GRID1: variants seen among roughly 807,000 people sequenced by gnomAD.
GRID1 encodes the protein glutamate ionotropic receptor delta type subunit 1, also known as glutamate receptor ionotropic, delta-1.
GRID1 carries 28 observed loss-of-function variants against 98.0 expected under a neutral mutation model. That is an observed-to-expected ratio of 0.29 (90% CI 0.21 to 0.39). The LOEUF (loss-of-function observed/expected upper bound fraction) is 0.39, where lower values mean the gene tolerates loss of function less well. Among genes scored for constraint, GRID1 ranks in the 10% least tolerant of loss-of-function variants. The probability of loss-of-function intolerance (pLI) is 1.00; values close to 1 mark genes in which losing one functional copy is unlikely to be tolerated. For synonymous variants in GRID1, 553 were observed against 538.5 expected, an observed-to-expected ratio of 1.03 and a Z score of -0.37; for missense variants, 1,111 against 1,340.5, an observed-to-expected ratio of 0.83 and a Z score of 2.67.
At chr10:85,911,625 A>G (rs1053291845) in intron 5 of GRID1, among the ~76,000 whole-genome samples, 2 of 152,188 alleles carry the variant, frequency 1.3e-5, no homozygotes, top group African/African-American at 2.4e-5. Context: ...ACCATTTCCA[A>G]CAAAGTATGT....
At chr10:86,200,410 G>A (rs1249952725) in intron 3 of GRID1, among the ~76,000 whole-genome samples, 1 of 152,190 alleles carries the variant, frequency 6.6e-6, no homozygotes, top group Admixed American at 6.5e-5. Flanking sequence ...GCAGTGTCAG[G>A]GTGGAAGGAA....
intron 5 of GRID1, among the ~76,000 whole-genome samples, chr10:85,878,441 C>T (rs1840937480): frequency 6.6e-6 from 1 of 152,140 alleles, no homozygotes; most frequent in African/African-American, 2.4e-5. Context: ...ACTCTACAAG[C>T]CAGAAGAGAG....
chr10:86,211,491 T>C (rs1395435741), intron 2 of GRID1, among the ~76,000 whole-genome samples: 1 of 151,814 alleles, frequency 6.6e-6, no homozygotes, highest in Non-Finnish European at 1.5e-5. Flanking sequence ...GCATTGGGGG[T>C]GTGGGGGGTG....
At chr10:86,040,879 G>C (rs1357199696) in intron 4 of GRID1, among the ~76,000 whole-genome samples, 1 of 152,114 alleles carries the variant, frequency 6.6e-6, no homozygotes, top group Non-Finnish European at 1.5e-5. Flanking sequence ...CAATTATTAT[G>C]TGTCAATTTT....
rs149564746 is a variant in GRID1 at position 86,324,668 on chromosome 10, C to T, written c.235+39273G>A. On this transcript the variant is annotated intron_variant, in intron 2 of 15. Coordinates refer to ENST00000327946, the MANE Select transcript of GRID1 (RefSeq NM_017551.3). ...AAGGCAGGAAAGGGCAAAAGTAGCACAAGAAAGCATAGCAAACAAGAAACA... is the reference window on the plus strand; with the variant it reads ...AAGGCAGGAAAGGGCAAAAGTAGCATAAGAAAGCATAGCAAACAAGAAACA... Among the ~76,000 whole-genome samples, 11 of 152,094 alleles carry T rather than the reference C, an allele frequency of 7.2e-5. No individual in the cohort carries two copies. In the East Asian group the frequency reaches 1.7e-3, roughly 24 times the overall value.
chr10:86,258,998 A>G (rs1262651530), intron 2 of GRID1, among the ~76,000 whole-genome samples: 1 of 152,268 alleles, frequency 6.6e-6, no homozygotes, highest in African/African-American at 2.4e-5. Context: ...ATGCACAGAA[A>G]TTAATGCTAA....
At chr10:85,957,514 C>A (rs1842210401) in intron 4 of GRID1, among the ~76,000 whole-genome samples, 1 of 151,984 alleles carries the variant, frequency 6.6e-6, no homozygotes, top group South Asian at 2.1e-4. Context: ...ATGGGATAAT[C>A]CCCCCAGACT....
chr10:85,676,689 G>A (rs1477905195), intron 12 of GRID1, among the ~76,000 whole-genome samples: 2 of 152,218 alleles, frequency 1.3e-5, no homozygotes, highest in Non-Finnish European at 1.5e-5. Context: ...AGAAAGCAAT[G>A]AGGCACAGCA....
At chr10:85,617,209 T>G (rs78982058) in intron 14 of GRID1, among the ~76,000 whole-genome samples, 45 of 151,322 alleles carry the variant, frequency 3.0e-4, no homozygotes, top group Non-Finnish European at 6.3e-4. Context: ...CAGTTCTGCA[T>G]GCACCATACA....
chr10:85,979,698 G>C (rs1185668442), intron 4 of GRID1, among the ~76,000 whole-genome samples: 1 of 152,206 alleles, frequency 6.6e-6, no homozygotes, highest in African/African-American at 2.4e-5. Context: ...CTGTGGTACT[G>C]GGGTTAGGAT....
intron 4 of GRID1, among the ~76,000 whole-genome samples, chr10:86,049,801 G>A (rs1397260992): frequency 6.6e-6 from 1 of 152,320 alleles, no homozygotes; most frequent in East Asian, 1.9e-4. Flanking sequence ...GGCTCTGCCT[G>A]CAACTCACCT....
At chr10:86,251,510 C>A (rs1846831871) in intron 2 of GRID1, among the ~76,000 whole-genome samples, 1 of 152,176 alleles carries the variant, frequency 6.6e-6, no homozygotes, top group Non-Finnish European at 1.5e-5. Context: ...CCTTGCAGGG[C>A]TACTACCTCA....
intron 4 of GRID1, among the ~76,000 whole-genome samples, chr10:86,010,220 T>G (rs1842908668): frequency 6.6e-6 from 1 of 152,214 alleles, no homozygotes; most frequent in African/African-American, 2.4e-5. Context: ...TGAGCAAACA[T>G]TACAATGGCT....
intron 4 of GRID1, among the ~76,000 whole-genome samples, chr10:86,069,334 G>A (rs550636677): frequency 2.5e-3 from 388 of 152,294 alleles, no homozygotes; most frequent in Non-Finnish European, 4.2e-3. Flanking sequence ...AGAGAGCCTC[G>A]CCCTGAGAGG....
At chr10:86,224,588 C>A (rs1241367954) in intron 2 of GRID1, among the ~76,000 whole-genome samples, 1 of 152,182 alleles carries the variant, frequency 6.6e-6, no homozygotes, top group African/African-American at 2.4e-5. Context: ...GACCCCAGCC[C>A]AGATGGCAGC....
chr10:85,970,924 TA>T (rs1410393471), intron 4 of GRID1, among the ~76,000 whole-genome samples: 1 of 152,056 alleles, frequency 6.6e-6, no homozygotes, highest in African/African-American at 2.4e-5. Flanking sequence ...ACAGCTCATT[TA>T]TTTTTTTTAA....
chr10:85,957,376 A>G (rs898035986), intron 4 of GRID1, among the ~76,000 whole-genome samples: 9 of 152,146 alleles, frequency 5.9e-5, no homozygotes, highest in African/African-American at 2.2e-4. Context: ...ATTTCCAGCC[A>G]GGTCTTTGGT....
At chr10:85,962,293 G>T (rs867407) in intron 4 of GRID1, among the ~76,000 whole-genome samples, 20,312 of 152,178 alleles carry the variant, frequency 0.13, 1,481 homozygotes, top group Admixed American at 0.22. Context: ...AGCATCTGGT[G>T]ACTGGATGGA....
At chr10:86,275,531 T>C (rs1847256147) in intron 2 of GRID1, among the ~76,000 whole-genome samples, 1 of 151,116 alleles carries the variant, frequency 6.6e-6, no homozygotes, top group African/African-American at 2.4e-5. Flanking sequence ...TAAAGAAAAT[T>C]GGGGAAATTA....
Sources: allele counts gnomAD v4.1 joint callset (sites outside exome capture counted in the v4.1 genomes callset), GRCh38; gene constraint gnomAD v4.1.1; transcripts MANE v1.5; gene names NCBI Gene and HGNC (gene_info 2026-07-23, HGNC 2026-07-21).